The following CD226 variants were observed in gnomAD, a reference collection of about 807,000 sequenced individuals.
CD226 encodes CD226 molecule.
A neutral mutation model predicts 34.9 loss-of-function variants in CD226; 24 were observed. The ratio of observed to expected loss-of-function variants is 0.69; its 90% CI spans 0.50 to 0.97. The LOEUF is 0.97. CD226 is among the 50% of genes least tolerant of loss of function. The pLI, the probability that CD226 is intolerant of heterozygous loss-of-function variation, is 0.00. For synonymous variants in CD226, 148 were observed against 147.4 expected (o/e 1.00, Z -0.03); for missense variants, 397 against 412.7 (o/e 0.96, Z 0.33).
chr18:69,896,429 C>A (rs1336611263), intron 2 of CD226, among the ~76,000 whole-genome samples: 3 of 152,226 alleles, frequency 2.0e-5, no homozygotes, highest in Non-Finnish European at 4.4e-5. Context: ...GATCCGCCCA[C>A]CTCGGCCTCC....
At chr18:69,959,623 C>G (rs947234010), upstream of CD226, among the ~76,000 whole-genome samples, 4 of 123,902 alleles carry the variant, frequency 3.2e-5, no homozygotes, top group African/African-American at 9.9e-5. Flanking sequence ...GAAAATTCAG[C>G]TACTAAGTGG....
upstream of CD226, among the ~76,000 whole-genome samples, chr18:69,958,245 C>G (rs1488738966): frequency 2.0e-5 from 3 of 152,150 alleles, no homozygotes; most frequent in Non-Finnish European, 4.4e-5. Flanking sequence ...AGTCTCTTAT[C>G]CCTGCTCTAT....
chr18:69,867,373 G>T lies in CD226; in HGVS notation c.869C>A (p.Ser290Tyr). 1.9e-6 allele frequency: 3 copies of T among 1,596,670 alleles called. No individual in the cohort carries two copies. Among genetic ancestry groups the T allele is most frequent in the South Asian group, 1.1e-5 (1 of 90,782 alleles). The stretch of plus-strand genomic sequence containing the variant: ...TAAACTTACCTTCTGTGTATCCCAG[G>T]ACTCTGTAAATAGATCTCTTCTCTC... ...RRERRDLFTESWDTQKAPNNY... is the reference protein window; with the variant it reads ...RRERRDLFTEYWDTQKAPNNY... Residue 290 changes from serine (S) to tyrosine (Y), a missense_variant, in exon 5 of 6, where the codon TCC becomes TAC. By Grantham distance (144) the Ser-to-Tyr change is moderately radical. Transcript: ENST00000582621.
Position 69,946,743 on chromosome 18 carries a change from C to A in CD226, c.373G>T (p.Val125Phe). 6.2e-7 allele frequency: 1 copy of A among 1,607,644 alleles called. No individual in the cohort carries two copies. The highest frequency in any genetic ancestry group is 8.5e-7 in the Non-Finnish European group (1 of 1,176,162). The stretch of plus-strand genomic sequence containing the variant: ...AAAAACTTGCCCTTACCTGACTGAA[C>A]CACCTGTATCACCTTCTGCCAAGTT... ...QGTWQKVIQV[V>F]QSDSFEAAVP... The change falls in exon 2 of 6, where the codon GTT becomes TTT. Residue 125 changes from valine to phenylalanine, a missense_variant. Physicochemically the swap from Val to Phe is conservative, Grantham distance 50. Coordinates refer to ENST00000582621, the MANE Select transcript of CD226 (RefSeq NM_001303618.2).
chr18:69,900,720 CAG>C (rs1189143228), intron 2 of CD226, among the ~76,000 whole-genome samples: 2 of 126,256 alleles, frequency 1.6e-5, no homozygotes, highest in East Asian at 4.5e-4. Context: ...GCCTGGGCGA[CAG>C]AGCGAGACTC....
At chr18:69,901,624 T>A (rs1479334711) in intron 2 of CD226, among the ~76,000 whole-genome samples, 1 of 136,228 alleles carries the variant, frequency 7.3e-6, no homozygotes, top group East Asian at 2.2e-4. Context: ...CTCACACCTG[T>A]AATCCAGCAC....
chr18:69,914,589 G>A (rs1450069415), intron 2 of CD226, among the ~76,000 whole-genome samples: 2 of 152,184 alleles, frequency 1.3e-5, no homozygotes, highest in African/African-American at 4.8e-5. Flanking sequence ...AGGCAAGATA[G>A]ACTAGACTTT....
At chr18:69,919,182 C>T (rs1049178219) in intron 2 of CD226, among the ~76,000 whole-genome samples, 10 of 152,188 alleles carry the variant, frequency 6.6e-5, no homozygotes, top group African/African-American at 2.4e-4. Flanking sequence ...CCAATGAGTA[C>T]TGGATATTAT....
Position 69,860,837 on chromosome 18 carries a change from G to A in CD226, c.*3477C>T, listed in dbSNP as rs550981884. The A allele has an allele frequency of 6.6e-6, 1 of 152,108 alleles. No individual in the cohort carries two copies. Among genetic ancestry groups the A allele is most frequent in the Non-Finnish European group, 1.5e-5 (1 of 67,926 alleles). 9.4% of individuals were successfully genotyped at this position (152,108 alleles called of 1,614,324 possible). A position where few individuals can be genotyped will look rare whatever the true frequency, so the allele number is the denominator to read the frequency against. The stretch of plus-strand genomic sequence containing the variant: ...ATCACTGTTGTGAAAAAGAAACTTT[G>A]TACTCACAATTTAGCGTCTCCACTT... On this transcript the variant is annotated 3_prime_UTR_variant, in exon 6 of 6. Coordinates refer to ENST00000582621, the MANE Select transcript of CD226 (RefSeq NM_001303618.2).
intron 2 of CD226, among the ~76,000 whole-genome samples, chr18:69,941,870 A>G (rs1338002033): frequency 6.6e-6 from 1 of 152,132 alleles, no homozygotes; most frequent in East Asian, 1.9e-4. Context: ...CCCCACCCAA[A>G]TCTCATCTTG....
At chr18:69,891,544 T>G (rs1984904606) in intron 3 of CD226, among the ~76,000 whole-genome samples, 1 of 152,152 alleles carries the variant, frequency 6.6e-6, no homozygotes, top group Non-Finnish European at 1.5e-5. Flanking sequence ...AGAAGTAATA[T>G]TATCTCTGTT....
intron 2 of CD226, among the ~76,000 whole-genome samples, chr18:69,899,458 G>T (rs953042625): frequency 2.0e-5 from 3 of 152,214 alleles, no homozygotes; most frequent in Non-Finnish European, 2.9e-5. Context: ...ATAAAGTAGA[G>T]AAGTCAATCA....
chr18:69,956,716 T>C (rs554579615), intron 1 of CD226: 1 of 152,356 alleles, frequency 6.6e-6, no homozygotes, highest in East Asian at 1.9e-4. Flanking sequence ...AAAGTTGAGC[T>C]CAGACACATC....
intron 2 of CD226, among the ~76,000 whole-genome samples, chr18:69,911,127 A>G (rs2055319176): frequency 6.6e-6 from 1 of 152,226 alleles, no homozygotes; most frequent in Non-Finnish European, 1.5e-5. Flanking sequence ...GCTAGCTAAA[A>G]AGTATAAATT....
intron 2 of CD226, among the ~76,000 whole-genome samples, chr18:69,938,250 T>G (rs1421151610): frequency 6.6e-6 from 1 of 152,216 alleles, no homozygotes; most frequent in East Asian, 1.9e-4. Context: ...TCTATGTGTC[T>G]TCTGCTCTCA....
At chr18:69,955,796 G>A (rs1271867524) in intron 1 of CD226, among the ~76,000 whole-genome samples, 3 of 140,402 alleles carry the variant, frequency 2.1e-5, no homozygotes, top group Non-Finnish European at 4.5e-5. Context: ...CCAGGAGGCA[G>A]AGCTTGCAGT....
chr18:69,910,387 T>G (rs1269466334), intron 2 of CD226, among the ~76,000 whole-genome samples: 1 of 152,216 alleles, frequency 6.6e-6, no homozygotes, highest in Non-Finnish European at 1.5e-5. Context: ...GGTTCATGAC[T>G]CTGGTATTCT....
chr18:69,860,592 A>G lies in CD226; in HGVS notation c.*3722T>C, dbSNP rs920766968. ...ACCTATTGAATCACTAGAAATAGAGAAGCTTTTAAAAAAATTAACTTGTTT... is the reference window on the plus strand; with the variant it reads ...ACCTATTGAATCACTAGAAATAGAGGAGCTTTTAAAAAAATTAACTTGTTT... On this transcript the variant is annotated 3_prime_UTR_variant, in exon 6 of 6. Transcript: ENST00000582621. 1 of 152,182 alleles carries G rather than the reference A, an allele frequency of 6.6e-6. No individual in the cohort carries two copies. Among genetic ancestry groups the G allele is most frequent in the African/African-American group, 2.4e-5 (1 of 41,454 alleles). 9.4% of individuals were successfully genotyped at this position (152,182 alleles called of 1,614,324 possible).
intron 2 of CD226, among the ~76,000 whole-genome samples, chr18:69,922,844 T>A (rs774931772): frequency 2.0e-5 from 3 of 152,122 alleles, no homozygotes; most frequent in African/African-American, 4.8e-5. Context: ...GAAAATCTCA[T>A]AACTGGCCAG....
Sources: allele counts gnomAD v4.1 joint callset (sites outside exome capture counted in the v4.1 genomes callset), GRCh38; gene constraint gnomAD v4.1.1; transcripts MANE v1.5; gene names NCBI Gene and HGNC (gene_info 2026-07-23, HGNC 2026-07-21).